Variants in KHDRBS2 observed in about 807,000 individuals in gnomAD.
The protein encoded by KHDRBS2 is KH domain-containing, RNA-binding, signal transduction-associated protein 2.
Under a neutral mutation model 44.3 loss-of-function variants are expected in KHDRBS2, and 26 were observed. The ratio of observed to expected loss-of-function variants is 0.59; its 90% CI spans 0.43 to 0.81. The LOEUF (loss-of-function observed/expected upper bound fraction) is 0.81, where lower values mean the gene tolerates loss of function less well. KHDRBS2 is among the 40% of genes least tolerant of loss of function. KHDRBS2 has a pLI of 0.00. For synonymous variants in KHDRBS2, 194 were observed against 151.1 expected (o/e 1.28, Z -2.08); for missense variants, 476 against 433.1 (o/e 1.10, Z -0.88).
intron 4 of KHDRBS2, among the ~76,000 whole-genome samples, chr6:61,940,133 TAAC>T (rs1352982109): frequency 6.6e-6 from 1 of 151,986 alleles, no homozygotes; most frequent in African/African-American, 2.4e-5. Flanking sequence ...AAGATAAAGA[TAAC>T]TACTAATTAA....
At chr6:62,279,701 T>C (rs1282541892) in intron 1 of KHDRBS2, among the ~76,000 whole-genome samples, 2 of 152,214 alleles carry the variant, frequency 1.3e-5, no homozygotes, top group Non-Finnish European at 2.9e-5. Flanking sequence ...TCAGTTTTAT[T>C]GGATGAAGAT....
chr6:61,613,503 A>G, the KHDRBS2 span, among the ~76,000 whole-genome samples: 2 of 152,194 alleles, frequency 1.3e-5, no homozygotes, highest in Non-Finnish European at 1.5e-5. Flanking sequence ...CCTAATTATT[A>G]TAGGATGAGA....
chr6:61,593,179 A>G, the KHDRBS2 span, among the ~76,000 whole-genome samples: 2 of 152,208 alleles, frequency 1.3e-5, no homozygotes, highest in Non-Finnish European at 2.9e-5. Context: ...CTTTCTGCAT[A>G]ATTCATAAGT....
At chr6:61,920,458 C>G (rs1424142283) in intron 4 of KHDRBS2, among the ~76,000 whole-genome samples, 1 of 151,858 alleles carries the variant, frequency 6.6e-6, no homozygotes, top group Admixed American at 6.6e-5. Context: ...TCTCCTATAC[C>G]ACCTATTTGA....
intron 3 of KHDRBS2, among the ~76,000 whole-genome samples, chr6:62,023,127 T>A (rs1782643878): frequency 6.6e-6 from 1 of 151,458 alleles, no homozygotes; most frequent in Admixed American, 6.6e-5. Context: ...ACCTAGGAGG[T>A]CAAAGTAAGA....
chr6:61,583,789 G>C, the KHDRBS2 span, among the ~76,000 whole-genome samples: 2 of 151,368 alleles, frequency 1.3e-5, no homozygotes, highest in African/African-American at 2.4e-5. Flanking sequence ...TGAACATATG[G>C]ATCAATTTGT....
chr6:62,032,289 A>G (rs1169710407), intron 3 of KHDRBS2, among the ~76,000 whole-genome samples: 4 of 152,040 alleles, frequency 2.6e-5, no homozygotes, highest in Non-Finnish European at 5.9e-5. Context: ...GGCACAATCT[A>G]ATCAGCTGCC....
chr6:62,103,946 C>G (rs1055954748), intron 2 of KHDRBS2, among the ~76,000 whole-genome samples: 1 of 151,856 alleles, frequency 6.6e-6, no homozygotes, highest in Non-Finnish European at 1.5e-5. Flanking sequence ...CAGATCTTTA[C>G]TATAAGAAAC....
intron 4 of KHDRBS2, among the ~76,000 whole-genome samples, chr6:61,911,877 AT>A (rs1338963601): frequency 2.0e-5 from 3 of 151,424 alleles, no homozygotes; most frequent in African/African-American, 7.3e-5. Context: ...CTCCCCCCAA[AT>A]TCAATATTGA....
intron 4 of KHDRBS2, among the ~76,000 whole-genome samples, chr6:61,925,202 T>C (rs1019119262): frequency 3.3e-5 from 5 of 152,156 alleles, no homozygotes; most frequent in Non-Finnish European, 7.4e-5. Context: ...TCAAGTTATG[T>C]ACTGTGTGCT....
chr6:62,078,535 TACTTG>T (rs1388780137), intron 2 of KHDRBS2, among the ~76,000 whole-genome samples: 11 of 152,106 alleles, frequency 7.2e-5, no homozygotes, highest in African/African-American at 2.4e-4. Flanking sequence ...AAATACTGAT[TACTTG>T]ACTTCTAAGA....
At chr6:61,899,732 T>TAC (rs1803580282) in intron 5 of KHDRBS2, among the ~76,000 whole-genome samples, 2 of 62,692 alleles carry the variant, frequency 3.2e-5, no homozygotes, top group African/African-American at 6.7e-5. Flanking sequence ...ATTGTTTTAA[T>TAC]GCCCCCCCCC....
intron 6 of KHDRBS2, among the ~76,000 whole-genome samples, chr6:61,888,816 C>A (rs1801371863): frequency 6.6e-6 from 1 of 152,040 alleles, no homozygotes; most frequent in African/African-American, 2.4e-5. Flanking sequence ...CCACCCCGGC[C>A]TCCCAAAGTT....
intron 3 of KHDRBS2, among the ~76,000 whole-genome samples, chr6:62,011,444 T>G (rs1780270611): frequency 6.6e-6 from 1 of 152,142 alleles, no homozygotes; most frequent in South Asian, 2.1e-4. Context: ...GCAATACAGG[T>G]AAATTCCATA....
chr6:61,981,257 G>T (rs1441485616), intron 3 of KHDRBS2, among the ~76,000 whole-genome samples: 2 of 152,062 alleles, frequency 1.3e-5, no homozygotes, highest in African/African-American at 2.4e-5. Flanking sequence ...CTAGAGTTTG[G>T]TTTTTCTCTG....
rs187052340 is a variant in KHDRBS2 at position 61,787,993 on chromosome 6, A to T, written c.811-55229T>A. Among the ~76,000 whole-genome samples the T allele has an allele frequency of 4.0e-5, 6 of 151,774 alleles. No homozygotes were observed. In the East Asian group the frequency reaches 1.2e-3, roughly 29 times the overall value. On this transcript the variant is annotated intron_variant, in intron 6 of 8. Coordinates refer to ENST00000281156, the MANE Select transcript of KHDRBS2 (RefSeq NM_152688.4). ...AATATATCATTGTTAGAGACATTCT[A>T]ATGCATTAACTAAGTACTATATTTT...
intron 4 of KHDRBS2, among the ~76,000 whole-genome samples, chr6:61,945,037 G>T (rs1414338503): frequency 7.0e-6 from 1 of 142,062 alleles, no homozygotes; most frequent in Non-Finnish European, 1.5e-5. Context: ...GTTGCAGTAA[G>T]CCAAGATCGT....
chr6:61,863,547 C>T (rs1254975778), intron 6 of KHDRBS2, among the ~76,000 whole-genome samples: 7 of 152,082 alleles, frequency 4.6e-5, no homozygotes, highest in African/African-American at 1.4e-4. Flanking sequence ...TCATTATTTA[C>T]CCAAAAGTCA....
chr6:62,122,290 G>C, intron 2 of KHDRBS2, among the ~76,000 whole-genome samples: 1 of 152,112 alleles, frequency 6.6e-6, no homozygotes, highest in Admixed American at 6.5e-5. Context: ...ATCTTCTGCA[G>C]ATAACCATCC....
Sources: gnomAD v4.1 joint callset for allele counts (sites outside exome capture counted in the v4.1 genomes callset) on GRCh38, gnomAD v4.1.1 for gene constraint, MANE v1.5 for transcripts, NCBI Gene and HGNC (gene_info 2026-07-23, HGNC 2026-07-21) for gene names.